Variants in AGBL1 observed in about 807,000 individuals in gnomAD.
The protein encoded by AGBL1 is AGBL carboxypeptidase 1.
In AGBL1, 130 loss-of-function variants were observed where a neutral mutation model predicts 118.9. The observed-to-expected ratio is 1.09, with a 90% CI of 0.95 to 1.26. AGBL1 has a LOEUF of 1.26. Among genes scored for constraint, AGBL1 ranks in the 50% most tolerant of loss-of-function variants. The pLI is 0.00. For missense variants in AGBL1, 1,584 were observed against 1,298.1 expected (o/e 1.22, Z -3.38); for synonymous variants, 555 against 478.9 (o/e 1.16, Z -2.08).
chr15:86,733,731 A>C (rs1374437460), intron 22 of AGBL1, among the ~76,000 whole-genome samples: 1 of 152,186 alleles, frequency 6.6e-6, no homozygotes, highest in Non-Finnish European at 1.5e-5. Context: ...TTATAAAGAA[A>C]AGTGAGGCTC....
intron 18 of AGBL1, among the ~76,000 whole-genome samples, chr15:86,454,076 G>A (rs904149536): frequency 9.9e-5 from 15 of 152,036 alleles, no homozygotes; most frequent in African/African-American, 2.9e-4. Context: ...ACGTATGGAA[G>A]ACTTTGCCCT....
chr15:87,016,452 C>T (rs760621447), intron 24 of AGBL1, among the ~76,000 whole-genome samples: 1 of 152,110 alleles, frequency 6.6e-6, no homozygotes, highest in Non-Finnish European at 1.5e-5. Context: ...AAGATGTTCC[C>T]AACAAAGGAA....
intron 23 of AGBL1, among the ~76,000 whole-genome samples, chr15:86,955,792 T>TTAAA (rs1295820140): frequency 1.3e-5 from 2 of 152,114 alleles, no homozygotes; most frequent in African/African-American, 4.8e-5. Context: ...TTTAGTATAC[T>TTAAA]TAAATAGGAT....
At chr15:86,250,412 GC>G (rs1191018831) in intron 7 of AGBL1, among the ~76,000 whole-genome samples, 1 of 151,486 alleles carries the variant, frequency 6.6e-6, no homozygotes, top group Non-Finnish European at 1.5e-5. Flanking sequence ...CGTAATCCCA[GC>G]TACTCAGGAG....
At chr15:86,544,673 A>C (rs1286997131) in intron 19 of AGBL1, among the ~76,000 whole-genome samples, 1 of 152,134 alleles carries the variant, frequency 6.6e-6, no homozygotes. Context: ...ACAGCATGGC[A>C]AAGACCTACC....
chr15:86,134,603 C>CTTTTTTTTTTTTTTTTTTTTTTTTTT (rs1567076426), intron 1 of AGBL1, among the ~76,000 whole-genome samples: 1 of 114,314 alleles, frequency 8.7e-6, no homozygotes. Flanking sequence ...ATCAATGGTG[C>CTTTTTTTTTTTTTTTTTTTTTTTTTT]CTTTTTTTTT....
At chr15:86,486,195 A>G (rs1189256217) in intron 18 of AGBL1, among the ~76,000 whole-genome samples, 4 of 152,122 alleles carry the variant, frequency 2.6e-5, no homozygotes, top group Admixed American at 6.6e-5. Flanking sequence ...TGTTTGGCAC[A>G]TGACAAATTC....
chr15:86,093,860 TGA>T (rs948867368), intron 1 of AGBL1, among the ~76,000 whole-genome samples: 5 of 152,064 alleles, frequency 3.3e-5, no homozygotes, highest in Non-Finnish European at 7.4e-5. Flanking sequence ...AAAGAGACAA[TGA>T]GAGAGAGCCC....
At chr15:86,864,971 C>G (rs746700712) in intron 22 of AGBL1, among the ~76,000 whole-genome samples, 5 of 152,132 alleles carry the variant, frequency 3.3e-5, no homozygotes, top group Non-Finnish European at 7.4e-5. Flanking sequence ...CGTTTGTTTT[C>G]TTGCTTATTG....
intron 3 of AGBL1, among the ~76,000 whole-genome samples, chr15:86,145,709 A>G (rs1382980317): frequency 6.6e-6 from 1 of 152,220 alleles, no homozygotes; most frequent in Non-Finnish European, 1.5e-5. Context: ...CGTTTGGTGA[A>G]TATTCAACAG....
chr15:86,997,420 T>C (rs1352157903), intron 24 of AGBL1, among the ~76,000 whole-genome samples: 1 of 152,214 alleles, frequency 6.6e-6, no homozygotes, highest in Non-Finnish European at 1.5e-5. Context: ...CTAAGGAGAC[T>C]GCTTCAACAT....
chr15:86,185,021 G>A (rs2077609113), intron 5 of AGBL1, among the ~76,000 whole-genome samples: 1 of 152,082 alleles, frequency 6.6e-6, no homozygotes, highest in African/African-American at 2.4e-5. Flanking sequence ...CATCTGAAAG[G>A]GCTAATATCC....
At chr15:86,395,978 A>T (rs1409718634) in intron 17 of AGBL1, among the ~76,000 whole-genome samples, 1 of 151,686 alleles carries the variant, frequency 6.6e-6, no homozygotes, top group Non-Finnish European at 1.5e-5. Flanking sequence ...TATGAGTAAG[A>T]TCGTATCATG....
chr15:86,477,975 C>T (rs1463414611), intron 18 of AGBL1, among the ~76,000 whole-genome samples: 1 of 152,120 alleles, frequency 6.6e-6, no homozygotes, highest in African/African-American at 2.4e-5. Context: ...GAATGAAAGA[C>T]AAAACCCACA....
chr15:86,678,119 T>C (rs1279257647), intron 22 of AGBL1, among the ~76,000 whole-genome samples: 1 of 152,164 alleles, frequency 6.6e-6, no homozygotes, highest in East Asian at 1.9e-4. Context: ...CACAAAGTTA[T>C]TTTTGTGGTG....
At chr15:86,276,138 C>T (rs1597665740) in intron 15 of AGBL1, among the ~76,000 whole-genome samples, 1 of 152,086 alleles carries the variant, frequency 6.6e-6, no homozygotes, top group East Asian at 1.9e-4. Flanking sequence ...ATTTTATTAG[C>T]TCTCATCTTG....
At chr15:86,807,266 T>A (rs753051009) in intron 22 of AGBL1, among the ~76,000 whole-genome samples, 1 of 152,156 alleles carries the variant, frequency 6.6e-6, no homozygotes, top group Non-Finnish European at 1.5e-5. Flanking sequence ...TTGGGGCTCT[T>A]ACCTGGTCAT....
downstream of AGBL1, among the ~76,000 whole-genome samples, chr15:86,919,387 GT>G (rs142257190): frequency 6.6e-6 from 1 of 152,050 alleles, no homozygotes. Flanking sequence ...TTTCTGAATA[GT>G]TTTTTTGTTG....
chr15:86,225,562 A>C (rs1555451490), intron 6 of AGBL1, among the ~76,000 whole-genome samples: 1 of 152,076 alleles, frequency 6.6e-6, no homozygotes, highest in Non-Finnish European at 1.5e-5. Flanking sequence ...TAATTTGAGG[A>C]ATTTTTTGCC....
Sources: allele counts gnomAD v4.1 joint callset (sites outside exome capture counted in the v4.1 genomes callset), GRCh38; gene constraint gnomAD v4.1.1; transcripts MANE v1.5; gene names NCBI Gene and HGNC (gene_info 2026-07-23, HGNC 2026-07-21).